Variants in ANK1 observed in about 807,000 individuals in gnomAD.
ANK1 encodes ankyrin 1.
ANK1 carries 51 observed loss-of-function variants against 210.4 expected under a neutral mutation model. That is an observed-to-expected ratio of 0.24 (90% CI 0.19 to 0.31). ANK1 has a LOEUF of 0.31. Ranked by LOEUF, ANK1 falls within the 10% of genes least tolerant of loss-of-function variation. The pLI is 1.00. For missense variants in ANK1, 2,051 were observed against 2,504.4 expected (o/e 0.82, Z 3.86); for synonymous variants, 967 against 1,025.9 (o/e 0.94, Z 1.10).
intron 1 of ANK1, among the ~76,000 whole-genome samples, chr8:41,805,183 TTC>T (rs965741665): frequency 6.3e-5 from 9 of 143,410 alleles, no homozygotes; most frequent in African/African-American, 2.3e-4. Context: ...CTTTCTTTCT[TTC>T]TCTCTCTCTG....
At chr8:41,686,007 T>C in intron 36 of ANK1, 145 bp downstream of exon 36, 1 of 1,327,916 alleles carries the variant, frequency 7.5e-7, no homozygotes, top group South Asian at 1.2e-5. Context: ...GAAGACCTCC[T>C]GATGCGAGTG....
intron 1 of ANK1, among the ~76,000 whole-genome samples, chr8:41,790,563 C>T (rs950036685): frequency 6.6e-6 from 1 of 152,110 alleles, no homozygotes; most frequent in Non-Finnish European, 1.5e-5. Flanking sequence ...CTCCCACCCC[C>T]ACCCCACCAA....
At chr8:41,705,977 G>C (rs1824455266) in intron 18 of ANK1, among the ~76,000 whole-genome samples, 166 bp downstream of exon 18, 2 of 152,232 alleles carry the variant, frequency 1.3e-5, no homozygotes. Flanking sequence ...CAATGGGAAA[G>C]TCAGGTAATT....
intron 2 of ANK1, among the ~76,000 whole-genome samples, chr8:41,748,909 C>T (rs1162648519): frequency 6.6e-6 from 1 of 152,096 alleles, no homozygotes; most frequent in Non-Finnish European, 1.5e-5. Context: ...GTGGCGGGCA[C>T]CTGTAGTCCC....
chr8:41,673,203 C>T (rs904436222), intron 37 of ANK1, among the ~76,000 whole-genome samples: 19 of 152,176 alleles, frequency 1.2e-4, no homozygotes, highest in Admixed American at 7.9e-4. Context: ...GGAGATTGGA[C>T]TTTCTTATCC....
chr8:41,842,590 C>T (rs185449831), intron 1 of ANK1, among the ~76,000 whole-genome samples: 168 of 152,278 alleles, frequency 1.1e-3, no homozygotes, highest in African/African-American at 3.5e-3. Context: ...GCCTCAGTTT[C>T]TTCATCTGTG....
intron 1 of ANK1, among the ~76,000 whole-genome samples, chr8:41,803,618 G>A (rs1850504689): frequency 6.6e-6 from 1 of 151,490 alleles, no homozygotes; most frequent in Non-Finnish European, 1.5e-5. Flanking sequence ...AACAGTGATA[G>A]CATGTTTATC....
At chr8:41,682,557 C>A (rs563771030) in intron 37 of ANK1, among the ~76,000 whole-genome samples, 4 of 152,346 alleles carry the variant, frequency 2.6e-5, no homozygotes, top group African/African-American at 9.6e-5. Context: ...AATGGGCTGA[C>A]CCCCTGAAGC....
chr8:41,729,354 A>C (rs749069665), intron 3 of ANK1, among the ~76,000 whole-genome samples: 4 of 152,168 alleles, frequency 2.6e-5, no homozygotes, highest in Non-Finnish European at 5.9e-5. Context: ...AGAGACTGAG[A>C]AATAAGGCAG....
At position 41,727,493 on chromosome 8, in the gene ANK1, T is replaced by C; in HGVS notation, c.328-145A>G. ...CCCCTCCTAAGGAAACTCATTGTCATGGTGACTGGCGTCCTGGGATTATTA... is the reference window on the plus strand; with the variant it reads ...CCCCTCCTAAGGAAACTCATTGTCACGGTGACTGGCGTCCTGGGATTATTA... On this transcript the variant is annotated intron_variant, in intron 4 of 42. Coordinates refer to ENST00000289734, the MANE Select transcript of ANK1 (RefSeq NM_000037.4). The C allele has an allele frequency of 5.5e-6, 4 of 723,526 alleles. No individual in the cohort carries two copies. In the South Asian group the frequency reaches 5.9e-5, roughly 11 times the overall value. 44.8% of individuals were successfully genotyped at this position (723,526 alleles called of 1,614,324 possible). A position where few individuals can be genotyped will look rare whatever the true frequency, so the allele number is the denominator to read the frequency against.
chr8:41,880,800 G>A (rs1055616967), intron 1 of ANK1, among the ~76,000 whole-genome samples: 6 of 152,236 alleles, frequency 3.9e-5, no homozygotes, highest in Admixed American at 6.5e-5. Context: ...CTTCTCCCCC[G>A]GCAGAGGCGC....
intron 13 of ANK1, 110 bp downstream of exon 13, chr8:41,716,843 G>T: frequency 9.0e-7 from 1 of 1,114,974 alleles, no homozygotes; most frequent in Non-Finnish European, 1.4e-6. Context: ...GATGAAAAGT[G>T]ATCCCCAGGC....
chr8:41,748,824 A>G (rs1836852199), intron 2 of ANK1, among the ~76,000 whole-genome samples: 2 of 152,214 alleles, frequency 1.3e-5, no homozygotes, highest in South Asian at 4.1e-4. Flanking sequence ...TCACGAGGTC[A>G]GGAGATCAAG....
In ANK1 at chr8:41,702,139, T is replaced by A. The variant is rs757493720; in HGVS notation, c.2301A>T (p.Gly767=). ...GCTTGGCTATGGCCAGAGGTGTGGT[T>A]CCATCCTGGGGAAAGAGCAGCCCGG... ...GASPNEVSSD[G]TTPLAIAKRL... is the part of the protein sequence containing the mutation. The change falls in exon 21 of 43, where the codon GGA becomes GGT. Residue 767 remains glycine (G), a synonymous_variant. Coordinates refer to ENST00000289734, the MANE Select transcript of ANK1 (RefSeq NM_000037.4). The A allele has an allele frequency of 5.0e-6, 8 of 1,613,920 alleles. No individual in the cohort carries two copies. The Admixed American group carries it at 1.2e-4, about 24-fold the overall frequency.
chr8:41,849,896 T>C (rs1810894179), intron 1 of ANK1, among the ~76,000 whole-genome samples: 1 of 152,136 alleles, frequency 6.6e-6, no homozygotes, highest in Non-Finnish European at 1.5e-5. Context: ...ATGGAGCACC[T>C]GCGATTGGCC....
chr8:41,822,093 AGAGAGAGAG>A (rs1804417277), intron 1 of ANK1, among the ~76,000 whole-genome samples: 1 of 54,898 alleles, frequency 1.8e-5, no homozygotes, highest in African/African-American at 8.0e-5. Context: ...AGAGAGAGAG[AGAGAGAGAG>A]AGAGAGAGAG....
At position 41,761,370 on chromosome 8, in the gene ANK1, T is replaced by TGC. The variant is rs1336980942; in HGVS notation, c.28-3235_28-3234dup. 1.3e-3 allele frequency among the ~76,000 whole-genome samples: 57 copies of TGC among 42,620 alleles called. 2 individuals are homozygous for TGC. In the East Asian group the frequency reaches 0.022, roughly 16 times the overall value. The allele number at this position is 42,620 out of a possible 152,430, so 28.0% of individuals were successfully genotyped here. A position where few individuals can be genotyped will look rare whatever the true frequency, so the allele number is the denominator to read the frequency against. On this transcript the variant is annotated intron_variant, in intron 1 of 42. Transcript: ENST00000289734. ...ACACATGCACATACAGAGACCTGTGTGCACACACACACACACACATGTTCA... is the reference window on the plus strand; with the variant it reads ...ACACATGCACATACAGAGACCTGTGTGCGCACACACACACACACACATGTTCA...
In ANK1 at chr8:41,694,212, C is replaced by T; in HGVS notation, c.3328-110G>A. 5 of 1,194,838 alleles carry T rather than the reference C, an allele frequency of 4.2e-6. No homozygotes were observed. The South Asian group carries it at 5.8e-5, about 14-fold the overall frequency. 74.0% of individuals were successfully genotyped at this position (1,194,838 alleles called of 1,614,324 possible). A position where few individuals can be genotyped will look rare whatever the true frequency, so the allele number is the denominator to read the frequency against. The stretch of plus-strand genomic sequence containing the variant: ...TGGCCGTCAGTGCACGGGGTCCCGC[C>T]CTGCTGTTGGACCACAGAACCGACA... On this transcript the variant is annotated intron_variant, in intron 28 of 42. Coordinates refer to ENST00000289734, the MANE Select transcript of ANK1 (RefSeq NM_000037.4). The surrounding 1 kb of genome is among the most constrained non-coding windows in gnomAD (Gnocchi z 5.7).
intron 1 of ANK1, among the ~76,000 whole-genome samples, chr8:41,814,782 T>G (rs1803066100): frequency 6.6e-6 from 1 of 152,042 alleles, no homozygotes; most frequent in Non-Finnish European, 1.5e-5. Flanking sequence ...AAATAATAAC[T>G]AGAATCATGA....
Sources: gnomAD v4.1 joint callset for allele counts (sites outside exome capture counted in the v4.1 genomes callset) on GRCh38, gnomAD v4.1.1 for gene constraint, Gnocchi (gnomAD v3.1) non-coding constraint, MANE v1.5 for transcripts, NCBI Gene and HGNC (gene_info 2026-07-23, HGNC 2026-07-21) for gene names.